CNTNAP4: variants seen among roughly 807,000 people sequenced by gnomAD.
The protein encoded by CNTNAP4 is contactin-associated protein-like 4.
Under a neutral mutation model 148.4 loss-of-function variants are expected in CNTNAP4, and 98 were observed. The observed-to-expected ratio is 0.66, with a 90% CI of 0.56 to 0.78. The LOEUF is 0.78. CNTNAP4 is among the 30% of genes least tolerant of loss of function. The probability of loss-of-function intolerance (pLI) is 0.00; values close to 1 mark genes in which losing one functional copy is unlikely to be tolerated. For synonymous variants in CNTNAP4, 730 were observed against 565.1 expected (o/e 1.29, Z -4.14); for missense variants, 1,935 against 1,565.6 (o/e 1.24, Z -3.98).
At chr16:76,491,621 G>C (rs565071984) in intron 13 of CNTNAP4, among the ~76,000 whole-genome samples, 1 of 152,182 alleles carries the variant, frequency 6.6e-6, no homozygotes, top group South Asian at 2.1e-4. Context: ...AAACAGATAA[G>C]CAAATCTGGA....
chr16:76,469,310 T>C (rs2081287060), intron 10 of CNTNAP4, among the ~76,000 whole-genome samples: 1 of 152,198 alleles, frequency 6.6e-6, no homozygotes, highest in African/African-American at 2.4e-5. Flanking sequence ...TGAATGACTT[T>C]TGGGTCCGTT....
chr16:76,467,267 T>G, intron 9 of CNTNAP4, 85 bp from the exon 10 acceptor site: 2 of 1,203,336 alleles, frequency 1.7e-6, no homozygotes, highest in Non-Finnish European at 1.2e-6. Context: ...ATATGCCTCT[T>G]TCTTTTATTT....
intron 2 of CNTNAP4, among the ~76,000 whole-genome samples, chr16:76,329,376 G>C (rs899058860): frequency 6.6e-6 from 1 of 152,168 alleles, no homozygotes; most frequent in Non-Finnish European, 1.5e-5. Context: ...AGAGTTGTTT[G>C]CTCTGGCAGT....
chr16:76,540,650 T>C (rs1047025731), intron 20 of CNTNAP4, 53 bp from the exon 21 acceptor site: 3 of 1,322,448 alleles, frequency 2.3e-6, no homozygotes, highest in Non-Finnish European at 3.2e-6. Context: ...TCCTGTCTTC[T>C]CAACAAAACG....
intron 15 of CNTNAP4, among the ~76,000 whole-genome samples, chr16:76,513,467 T>C (rs1289857483): frequency 6.6e-6 from 1 of 152,172 alleles, no homozygotes; most frequent in Non-Finnish European, 1.5e-5. Flanking sequence ...ACCCGATGTT[T>C]ATACACAGTC....
In CNTNAP4 at chr16:76,489,828, C is replaced by G. The variant is rs144829972; in HGVS notation, c.2025C>G (p.His675Gln). The change falls in exon 13 of 24, where the codon CAC becomes CAG. Residue 675 changes from histidine (H) to glutamine (Q), a missense_variant. His to Gln is a conservative substitution (Grantham distance 24, BLOSUM62 0). Transcript: ENST00000611870. ...AGGCCACTATTAACCGTGCAGAGCACTGTGAACAGGAGTTTACTTATTACT... is the reference window on the plus strand; with the variant it reads ...AGGCCACTATTAACCGTGCAGAGCAGTGTGAACAGGAGTTTACTTATTACT... ...QLQATINRAE[H>Q]CEQEFTYYCK... 19 of 1,603,350 alleles carry G rather than the reference C, an allele frequency of 1.2e-5. No homozygotes were observed. The highest frequency in any genetic ancestry group is 2.7e-5 in the African/African-American group (2 of 74,736).
At chr16:76,491,600 T>G (rs2082224144) in intron 13 of CNTNAP4, among the ~76,000 whole-genome samples, 1 of 152,174 alleles carries the variant, frequency 6.6e-6, no homozygotes, top group Non-Finnish European at 1.5e-5. Flanking sequence ...AATATTCATC[T>G]TAGAATAAAA....
intron 1 of CNTNAP4, chr16:76,309,801 A>G (rs2144022551): frequency 1.4e-6 from 1 of 698,574 alleles, no homozygotes; most frequent in South Asian, 1.5e-5. Flanking sequence ...ATAGTGAGTA[A>G]GTGTCATGAG....
intron 3 of CNTNAP4, among the ~76,000 whole-genome samples, chr16:76,378,880 A>G (rs2015694894): frequency 6.6e-6 from 1 of 152,180 alleles, no homozygotes; most frequent in African/African-American, 2.4e-5. Flanking sequence ...GAACAGGAGG[A>G]ACCTGAGCCA....
intron 3 of CNTNAP4, among the ~76,000 whole-genome samples, chr16:76,358,855 T>C (rs1255579193): frequency 6.6e-6 from 1 of 152,036 alleles, no homozygotes; most frequent in Non-Finnish European, 1.5e-5. Context: ...TGTGTATATA[T>C]ATATATGTAT....
chr16:76,338,079 G>A (rs931256847), intron 2 of CNTNAP4, among the ~76,000 whole-genome samples: 2 of 152,062 alleles, frequency 1.3e-5, no homozygotes, highest in Non-Finnish European at 2.9e-5. Context: ...CAAAGATGAC[G>A]GGATTAAGAG....
chr16:76,524,119 G>T (rs1038097535), intron 17 of CNTNAP4, among the ~76,000 whole-genome samples: 1 of 152,040 alleles, frequency 6.6e-6, no homozygotes, highest in Admixed American at 6.6e-5. Flanking sequence ...CAATATATTT[G>T]TGTAATTACT....
chr16:76,452,439 C>T (rs1282064399), intron 7 of CNTNAP4, 69 bp from the exon 8 acceptor site: 1 of 1,500,462 alleles, frequency 6.7e-7, no homozygotes, highest in East Asian at 2.3e-5. Flanking sequence ...TGAAAAGCAG[C>T]CTTCAAATTC....
intron 1 of CNTNAP4, among the ~76,000 whole-genome samples, chr16:76,297,377 T>G (rs962791397): frequency 2.0e-5 from 3 of 152,188 alleles, no homozygotes; most frequent in Non-Finnish European, 4.4e-5. Context: ...AAATAAAAGA[T>G]AACTATTTAT....
Position 76,560,042 on chromosome 16 carries a change from T to C in CNTNAP4, c.*1359T>C, listed in dbSNP as rs988764448. Among the ~76,000 whole-genome samples, 1 of 152,122 alleles carries C rather than the reference T, an allele frequency of 6.6e-6. No homozygotes were observed. The highest frequency in any genetic ancestry group is 1.5e-5 in the Non-Finnish European group (1 of 68,016). ...TTAGGGTGTATTATACACTAGGAGA[T>C]CAAAGAATGATCAATAACCTTATGG... On this transcript the variant is annotated 3_prime_UTR_variant, in exon 24 of 24. Coordinates refer to ENST00000611870, the MANE Select transcript of CNTNAP4 (RefSeq NM_033401.5).
At chr16:76,399,191 G>A (rs4360964) in intron 3 of CNTNAP4, among the ~76,000 whole-genome samples, 126,623 of 152,158 alleles carry the variant, frequency 0.83, 53,325 homozygotes, top group Non-Finnish European at 0.9. Flanking sequence ...ATTCTCTAGT[G>A]TGGCTCTATT....
rs201970385 is a variant in CNTNAP4, at chr16:76,428,592, C to G, written c.538+993C>G. ...TTGTTGAAGTTGTCTAAACTCTATCCGACAGAGAGATCACATTGCATGGTT... is the reference window on the plus strand; with the variant it reads ...TTGTTGAAGTTGTCTAAACTCTATCGGACAGAGAGATCACATTGCATGGTT... On this transcript the variant is annotated intron_variant, in intron 4 of 23. Transcript: ENST00000611870. 8.5e-5 allele frequency among the ~76,000 whole-genome samples: 13 copies of G among 152,092 alleles called. No homozygotes were observed. The East Asian group carries it at 2.5e-3, about 29-fold the overall frequency.
intron 3 of CNTNAP4, among the ~76,000 whole-genome samples, chr16:76,416,241 G>T (rs531380995): frequency 6.6e-6 from 1 of 150,990 alleles, no homozygotes; most frequent in Non-Finnish European, 1.5e-5. Context: ...TTTCTCGAAT[G>T]TTTTCCTGTT....
chr16:76,298,487 T>C (rs1959558855), intron 1 of CNTNAP4, among the ~76,000 whole-genome samples: 2 of 52,288 alleles, frequency 3.8e-5, no homozygotes, highest in South Asian at 1.1e-3. Flanking sequence ...TGTACATGTA[T>C]GTGTGTGTGT....
Sources: allele counts gnomAD v4.1 joint callset (sites outside exome capture counted in the v4.1 genomes callset), GRCh38; gene constraint gnomAD v4.1.1; transcripts MANE v1.5; gene names NCBI Gene and HGNC (gene_info 2026-07-23, HGNC 2026-07-21).